Variants in PACSIN2 observed in about 807,000 individuals in gnomAD.
The protein encoded by PACSIN2 is protein kinase C and casein kinase substrate in neurons protein 2.
Under a neutral mutation model 63.8 loss-of-function variants are expected in PACSIN2, and 25 were observed. That is an observed-to-expected ratio of 0.39 (90% CI 0.29 to 0.55). The LOEUF (loss-of-function observed/expected upper bound fraction) is 0.55. PACSIN2 is among the 20% of genes least tolerant of loss of function. The pLI is 0.62. For synonymous variants in PACSIN2, 255 were observed against 256.2 expected (o/e 1.00, Z 0.05); for missense variants, 518 against 646.9 (o/e 0.80, Z 2.16).
chr22:43,002,680 A>C lies in PACSIN2; in HGVS notation c.-78+12341T>G, dbSNP rs563483109. Among the ~76,000 whole-genome samples, 3 of 152,242 alleles carry C rather than the reference A, an allele frequency of 2.0e-5. No individual in the cohort carries two copies. In the East Asian group the frequency reaches 5.8e-4, roughly 29 times the overall value. On this transcript the variant is annotated intron_variant, in intron 1 of 10. Coordinates refer to ENST00000263246, the MANE Select transcript of PACSIN2 (RefSeq NM_001184970.3). Reference sequence around the variant, plus strand: ...AGGTGTTCATACCCTTTAATACAAGATTTCTATTCTCGGGAATTTATCCCC... The same window carrying C: ...AGGTGTTCATACCCTTTAATACAAGCTTTCTATTCTCGGGAATTTATCCCC...
chr22:42,914,522 T>C (rs1382947617), intron 1 of PACSIN2, among the ~76,000 whole-genome samples: 1 of 152,038 alleles, frequency 6.6e-6, no homozygotes, highest in Non-Finnish European at 1.5e-5. Flanking sequence ...GGTGTGAGCC[T>C]TTTTTCTATG....
chr22:42,945,552 G>A (rs186161323), intron 1 of PACSIN2, among the ~76,000 whole-genome samples: 94 of 152,046 alleles, frequency 6.2e-4, no homozygotes, highest in African/African-American at 2.1e-3. Context: ...GGTTTTCTAC[G>A]TCAGAAATGG....
chr22:42,998,837 C>T (rs1435917369), intron 1 of PACSIN2, among the ~76,000 whole-genome samples: 2 of 152,100 alleles, frequency 1.3e-5, no homozygotes, highest in Non-Finnish European at 2.9e-5. Context: ...AATCCAGGAG[C>T]AGAAGAGTGG....
intron 1 of PACSIN2, among the ~76,000 whole-genome samples, chr22:43,001,879 C>T (rs1013890237): frequency 6.6e-6 from 1 of 152,154 alleles, no homozygotes; most frequent in Non-Finnish European, 1.5e-5. Flanking sequence ...CTGCTCCCCA[C>T]CTGGAGCCCC....
At chr22:42,903,623 C>T (rs1930855858) in intron 2 of PACSIN2, among the ~76,000 whole-genome samples, 1 of 152,184 alleles carries the variant, frequency 6.6e-6, no homozygotes, top group African/African-American at 2.4e-5. Context: ...CCTGGGAGTT[C>T]CACACTTCGG....
At chr22:42,981,620 G>T (rs1316214717) in intron 1 of PACSIN2, among the ~76,000 whole-genome samples, 3 of 91,314 alleles carry the variant, frequency 3.3e-5, no homozygotes, top group Non-Finnish European at 7.3e-5. Context: ...CCCTCTGCCC[G>T]GCCAGCCGCC....
intron 2 of PACSIN2, chr22:42,909,584 G>C (rs1372139272): frequency 4.2e-6 from 2 of 471,016 alleles, no homozygotes; most frequent in African/African-American, 2.0e-5. Context: ...TAATTTCAGG[G>C]ACAGCATCAC....
intron 1 of PACSIN2, among the ~76,000 whole-genome samples, chr22:42,972,034 C>T (rs1921355487): frequency 6.6e-6 from 1 of 152,048 alleles, no homozygotes; most frequent in South Asian, 2.1e-4. Flanking sequence ...TGAGAACGGG[C>T]CATGATGACA....
At chr22:42,881,639 G>A (rs770925118) in intron 7 of PACSIN2, among the ~76,000 whole-genome samples, 5 of 152,204 alleles carry the variant, frequency 3.3e-5, no homozygotes, top group Non-Finnish European at 7.3e-5. Flanking sequence ...CTTGCATTTC[G>A]AATGTAAAGA....
At position 42,876,301 on chromosome 22, in the gene PACSIN2, G is replaced by A; in HGVS notation, c.1184C>T (p.Pro395Leu). Reference sequence around the variant, plus strand: ...AGACTCATCGTCTGACCAGTCGGTGGGATAGCTCTGGGTCTTCTCGTAGCT... The same window carrying A: ...AGACTCATCGTCTGACCAGTCGGTGAGATAGCTCTGGGTCTTCTCGTAGCT... ...VSSYEKTQSY[P>L]TDWSDDESNN... Residue 395 changes from proline (P) to leucine (L), a missense_variant, in exon 10 of 11, where the codon CCC (proline) becomes CTC (leucine). Transcript: ENST00000263246. 6.2e-7 allele frequency: 1 copy of A among 1,614,174 alleles called. No homozygotes were observed. The highest frequency in any genetic ancestry group is 8.5e-7 in the Non-Finnish European group (1 of 1,180,018).
intron 1 of PACSIN2, among the ~76,000 whole-genome samples, chr22:42,915,133 G>C (rs1015072530): frequency 9.9e-5 from 15 of 152,150 alleles, no homozygotes; most frequent in Admixed American, 9.2e-4. Flanking sequence ...CTCCCAAATT[G>C]CTGAGATTAC....
intron 2 of PACSIN2, among the ~76,000 whole-genome samples, chr22:42,894,215 C>A (rs79053330): frequency 0.01 from 1,565 of 151,666 alleles, 26 homozygotes; most frequent in African/African-American, 0.036. Flanking sequence ...CAAGATCCTG[C>A]AGCCACAGTG....
chr22:42,874,868 T>TTTTTGA (rs3046487), intron 10 of PACSIN2, among the ~76,000 whole-genome samples: 21 of 146,806 alleles, frequency 1.4e-4, no homozygotes, highest in African/African-American at 2.0e-4. Context: ...TTTTTTTTTT[T>TTTTTGA]GAAAAAGAGT....
chr22:42,896,443 T>A (rs1368439396), intron 2 of PACSIN2, among the ~76,000 whole-genome samples: 1 of 151,668 alleles, frequency 6.6e-6, no homozygotes, highest in East Asian at 1.9e-4. Flanking sequence ...TGTGTAGGTA[T>A]ACCACTATCA....
chr22:42,974,048 G>C (rs1921511542), intron 1 of PACSIN2, among the ~76,000 whole-genome samples: 1 of 152,150 alleles, frequency 6.6e-6, no homozygotes, highest in African/African-American at 2.4e-5. Context: ...TGTATAAAAA[G>C]GACCAGCATC....
At chr22:42,969,928 A>G (rs1921122584) in intron 1 of PACSIN2, among the ~76,000 whole-genome samples, 2 of 152,026 alleles carry the variant, frequency 1.3e-5, no homozygotes, top group African/African-American at 2.4e-5. Context: ...AAAAGAAAAA[A>G]AAAAGAAAAG....
At chr22:42,898,615 C>A (rs771050624) in intron 2 of PACSIN2, among the ~76,000 whole-genome samples, 7 of 152,070 alleles carry the variant, frequency 4.6e-5, no homozygotes, top group Non-Finnish European at 8.8e-5. Context: ...TCTCCTGCCT[C>A]CCAGGGATGG....
intron 1 of PACSIN2, among the ~76,000 whole-genome samples, chr22:42,966,170 G>C (rs2146858563): frequency 6.6e-6 from 1 of 152,262 alleles, no homozygotes; most frequent in Middle Eastern, 3.4e-3. Context: ...AAGAGATCGA[G>C]ACCATCTTGG....
chr22:43,012,229 G>T (rs781733907), intron 1 of PACSIN2, among the ~76,000 whole-genome samples: 10 of 150,258 alleles, frequency 6.7e-5, no homozygotes, highest in South Asian at 2.1e-4. Flanking sequence ...GCCAGGCAAG[G>T]TGGCAGGCGC....
Sources: allele counts gnomAD v4.1 joint callset (sites outside exome capture counted in the v4.1 genomes callset), GRCh38; gene constraint gnomAD v4.1.1; transcripts MANE v1.5; gene names NCBI Gene and HGNC (gene_info 2026-07-23, HGNC 2026-07-21).